PITPNM3: variants seen among roughly 807,000 people sequenced by gnomAD.
The protein encoded by PITPNM3 is PITPNM family member 3.
A neutral mutation model predicts 102.0 loss-of-function variants in PITPNM3; 26 were observed. The observed-to-expected ratio is 0.25, with a 90% CI of 0.19 to 0.35. PITPNM3 has a LOEUF of 0.35. PITPNM3 is among the 10% of genes least tolerant of loss of function. PITPNM3 has a pLI of 1.00. For missense variants in PITPNM3, 1,083 were observed against 1,346.1 expected, an observed-to-expected ratio of 0.80 and a Z score of 3.06; for synonymous variants, 578 against 558.6, an observed-to-expected ratio of 1.03 and a Z score of -0.49.
At chr17:6,465,583 AC>A (rs752682218) in intron 14 of PITPNM3, among the ~76,000 whole-genome samples, 36 of 152,296 alleles carry the variant, frequency 2.4e-4, no homozygotes, top group Admixed American at 1.4e-3. Context: ...CACCTGCTCC[AC>A]CACTTAGCAA....
rs1913874569 is a variant in PITPNM3 at position 6,452,086 on chromosome 17, T to C, written c.*3252A>G. 1 of 152,174 alleles carries C rather than the reference T, an allele frequency of 6.6e-6. No individual in the cohort carries two copies. Among genetic ancestry groups the C allele is most frequent in the Admixed American group, 6.5e-5 (1 of 15,284 alleles). 9.4% of individuals were successfully genotyped at this position (152,174 alleles called of 1,614,324 possible). On this transcript the variant is annotated 3_prime_UTR_variant, in exon 20 of 20. Coordinates refer to ENST00000262483, the MANE Select transcript of PITPNM3 (RefSeq NM_031220.4). ...CCGTGAGATCCAGCCTCGCCTCTTC[T>C]AGACAGCCCACCGCCAGGAATCTCT...
intron 6 of PITPNM3, chr17:6,480,161 C>T (rs1323445383): frequency 6.6e-6 from 1 of 152,250 alleles, no homozygotes; most frequent in Non-Finnish European, 1.5e-5. Context: ...GCCTGGACAT[C>T]TCGCAGTTTA....
intron 3 of PITPNM3, among the ~76,000 whole-genome samples, chr17:6,515,532 G>A (rs1445137240): frequency 6.6e-6 from 1 of 151,976 alleles, no homozygotes; most frequent in Middle Eastern, 3.2e-3. Context: ...GGGTTTTATG[G>A]TATGGGAATT....
rs573008910 is a variant in PITPNM3, at chr17:6,469,200, G to A, written c.1774-859C>T. ...CAGTTGTAAATGCCGTCCAAGCTCT[G>A]ATGACACCCACATTTTTATCTGGAA... is the stretch of plus-strand genomic sequence containing the variant. On this transcript the variant is annotated intron_variant, in intron 13 of 19. Coordinates refer to ENST00000262483, the MANE Select transcript of PITPNM3 (RefSeq NM_031220.4). The surrounding 1 kb of genome is among the most constrained non-coding windows in gnomAD (Gnocchi z 4.0). 3.9e-5 allele frequency among the ~76,000 whole-genome samples: 6 copies of A among 152,258 alleles called. No homozygotes were observed. The highest frequency in any genetic ancestry group is 2.1e-4 in the South Asian group (1 of 4,828).
chr17:6,519,321 G>GCGACA (rs1306660863), intron 3 of PITPNM3, among the ~76,000 whole-genome samples: 1 of 40,890 alleles, frequency 2.4e-5, no homozygotes, highest in Non-Finnish European at 4.6e-5. Context: ...TCCGGCCTGG[G>GCGACA]CGACAGAGCG....
At chr17:6,532,777 G>C (rs1249093434) in intron 2 of PITPNM3, among the ~76,000 whole-genome samples, 1 of 152,096 alleles carries the variant, frequency 6.6e-6, no homozygotes, top group Non-Finnish European at 1.5e-5. Flanking sequence ...TCATGAGCAA[G>C]TTCTCAGGTG....
chr17:6,511,729 G>A (rs1054534196), intron 3 of PITPNM3, among the ~76,000 whole-genome samples: 4 of 152,066 alleles, frequency 2.6e-5, no homozygotes, highest in Non-Finnish European at 5.9e-5. Flanking sequence ...CACGCCTGTA[G>A]TCCCAGCACT....
chr17:6,530,444 C>A (rs1909082251), intron 2 of PITPNM3, among the ~76,000 whole-genome samples: 1 of 152,230 alleles, frequency 6.6e-6, no homozygotes, highest in South Asian at 2.1e-4. Context: ...CAACACAGAA[C>A]CCAGCTCCTC....
intron 3 of PITPNM3, among the ~76,000 whole-genome samples, chr17:6,505,218 A>ATATATATAT (rs1555556418): frequency 6.9e-6 from 1 of 145,914 alleles, no homozygotes; most frequent in Non-Finnish European, 1.5e-5. Context: ...ATATATATGT[A>ATATATATAT]AAGCCTTCAG....
intron 2 of PITPNM3, among the ~76,000 whole-genome samples, chr17:6,532,962 G>A (rs1567691267): frequency 6.6e-6 from 1 of 151,996 alleles, no homozygotes; most frequent in Non-Finnish European, 1.5e-5. Flanking sequence ...ATCTTGGTAA[G>A]TTATTATTAT....
At chr17:6,519,735 T>C (rs1597398762) in intron 3 of PITPNM3, among the ~76,000 whole-genome samples, 2 of 149,876 alleles carry the variant, frequency 1.3e-5, no homozygotes, top group Non-Finnish European at 3.0e-5. Flanking sequence ...GAGGCTGAGG[T>C]AGGAGAATCA....
intron 3 of PITPNM3, among the ~76,000 whole-genome samples, chr17:6,520,481 T>C (rs1265466497): frequency 6.6e-6 from 1 of 152,120 alleles, no homozygotes; most frequent in Non-Finnish European, 1.5e-5. Context: ...TATGAAAAGC[T>C]CTCCAAGATC....
chr17:6,467,855 A>G (rs919543148), intron 14 of PITPNM3, among the ~76,000 whole-genome samples: 4 of 152,164 alleles, frequency 2.6e-5, no homozygotes, highest in African/African-American at 7.2e-5. Flanking sequence ...ACCTTCCTCT[A>G]TCAAATATCA....
At chr17:6,536,013 A>G (rs567919688) in intron 2 of PITPNM3, among the ~76,000 whole-genome samples, 2 of 151,960 alleles carry the variant, frequency 1.3e-5, no homozygotes, top group South Asian at 2.1e-4. Context: ...GTAGTGAGCC[A>G]AGATCGCTCC....
chr17:6,487,786 C>A (rs1012619211), intron 4 of PITPNM3, among the ~76,000 whole-genome samples: 1 of 152,138 alleles, frequency 6.6e-6, no homozygotes, highest in Non-Finnish European at 1.5e-5. Context: ...GGCATCAAAT[C>A]GGTGGATGAC....
At chr17:6,528,563 GTATGTGCA>G (rs1908970418) in intron 2 of PITPNM3, among the ~76,000 whole-genome samples, 1 of 151,774 alleles carries the variant, frequency 6.6e-6, no homozygotes, top group African/African-American at 2.4e-5. Context: ...GCATGTGTGA[GTATGTGCA>G]TATGTGCATG....
At position 6,476,948 on chromosome 17, in the gene PITPNM3, G is replaced by T; in HGVS notation, c.1085+81C>A. On this transcript the variant is annotated intron_variant, in intron 9 of 19. Transcript: ENST00000262483. Reference sequence around the variant, plus strand: ...CTTATCTATGGGCCCCCATGGAAGGGCCTGGGACATCTGACTGGTCACAGC... The same window carrying T: ...CTTATCTATGGGCCCCCATGGAAGGTCCTGGGACATCTGACTGGTCACAGC... The T allele has an allele frequency of 1.1e-5, 16 of 1,514,364 alleles. No homozygotes were observed. In the South Asian group the frequency reaches 1.6e-4, roughly 15 times the overall value. 93.8% of individuals were successfully genotyped at this position (1,514,364 alleles called of 1,614,324 possible). A position where few individuals can be genotyped will look rare whatever the true frequency, so the allele number is the denominator to read the frequency against.
At position 6,527,028 on chromosome 17, in the gene PITPNM3, A is replaced by C. The variant is rs528571950; in HGVS notation, c.119-1565T>G. 8.6e-5 allele frequency among the ~76,000 whole-genome samples: 13 copies of C among 151,856 alleles called. No homozygotes were observed. In the South Asian group the frequency reaches 2.7e-3, roughly 32 times the overall value. On this transcript the variant is annotated intron_variant, in intron 2 of 19. Transcript: ENST00000262483. ...CTGGGCAGGGCCCTGACCAGGTTCC[A>C]GTGCAGATCCTGCTGCATGTGAGCT... is the stretch of plus-strand genomic sequence containing the variant.
chr17:6,483,399 A>G (rs867261374), intron 6 of PITPNM3, 118 bp downstream of exon 6: 6 of 971,040 alleles, frequency 6.2e-6, no homozygotes, highest in Middle Eastern at 2.0e-4. Flanking sequence ...ACGATCTGAC[A>G]CCCCAGAGAG....
Sources: allele counts gnomAD v4.1 joint callset (sites outside exome capture counted in the v4.1 genomes callset), GRCh38; gene constraint gnomAD v4.1.1; non-coding constraint Gnocchi (gnomAD v3.1); transcripts MANE v1.5; gene names NCBI Gene and HGNC (gene_info 2026-07-23, HGNC 2026-07-21).